ANTXR2: variants seen among roughly 807,000 people sequenced by gnomAD.
ANTXR2 encodes the protein anthrax toxin receptor 2.
ANTXR2 carries 44 observed loss-of-function variants against 73.7 expected under a neutral mutation model. That is an observed-to-expected ratio of 0.60 (90% CI 0.47 to 0.77). ANTXR2 has a LOEUF of 0.77. ANTXR2 is among the 30% of genes least tolerant of loss of function. ANTXR2 has a pLI of 0.00. For missense variants in ANTXR2, 604 were observed against 592.5 expected (o/e 1.02, Z -0.20); for synonymous variants, 217 against 205.9 (o/e 1.05, Z -0.46).
At chr4:79,952,863 G>T (rs1004933974) in intron 16 of ANTXR2, among the ~76,000 whole-genome samples, 3 of 151,698 alleles carry the variant, frequency 2.0e-5, no homozygotes, top group African/African-American at 7.3e-5. Context: ...AGAGTACAAA[G>T]AATGATGCCC....
At position 79,917,422 on chromosome 4, in the gene ANTXR2, G is replaced by A. The variant is rs544146255; in HGVS notation, c.1429-9955C>T. Among the ~76,000 whole-genome samples the A allele has an allele frequency of 2.0e-5, 3 of 152,222 alleles. No individual in the cohort carries two copies. In the South Asian group the frequency reaches 6.2e-4, roughly 32 times the overall value. ...AGAAGTATCCCACCAAAACTCATGG[G>A]GCCCTCTCAGATTGCAAGTCATTGG... On this transcript the variant is annotated intron_variant, in intron 16 of 16. Coordinates refer to ENST00000403729, the MANE Select transcript of ANTXR2 (RefSeq NM_058172.6).
intron 10 of ANTXR2, among the ~76,000 whole-genome samples, chr4:80,031,093 G>A (rs1732668587): frequency 2.0e-5 from 3 of 151,956 alleles, no homozygotes; most frequent in Admixed American, 2.0e-4. Flanking sequence ...AAGATGAAAA[G>A]ATAGACCTTA....
At chr4:80,030,554 T>C (rs1276162057) in intron 10 of ANTXR2, among the ~76,000 whole-genome samples, 1 of 152,046 alleles carries the variant, frequency 6.6e-6, no homozygotes, top group Non-Finnish European at 1.5e-5. Flanking sequence ...AAACGAATAA[T>C]ACTCTTAGTT....
intron 7 of ANTXR2, among the ~76,000 whole-genome samples, chr4:80,049,676 AAC>A (rs1162427252): frequency 2.6e-5 from 4 of 151,590 alleles, no homozygotes; most frequent in African/African-American, 9.7e-5. Flanking sequence ...CCTCTGTAAA[AAC>A]AGTTTTTGCT....
chr4:79,937,583 G>A (rs950980183), intron 16 of ANTXR2, among the ~76,000 whole-genome samples: 5 of 152,100 alleles, frequency 3.3e-5, no homozygotes, highest in African/African-American at 9.7e-5. Flanking sequence ...GATTTGTTCC[G>A]TTATCTAAAC....
chr4:79,913,205 C>T (rs138843336), intron 16 of ANTXR2, among the ~76,000 whole-genome samples: 2 of 152,166 alleles, frequency 1.3e-5, no homozygotes, highest in African/African-American at 4.8e-5. Flanking sequence ...TTTTACTCAT[C>T]TTTGGGCTGT....
At chr4:80,031,717 T>C in intron 9 of ANTXR2, 25 bp from the exon 10 acceptor site, 5 of 1,385,492 alleles carry the variant, frequency 3.6e-6, no homozygotes, top group Non-Finnish European at 4.8e-6. Flanking sequence ...GCCACTGAAT[T>C]AGTAAAGGGT....
At chr4:80,025,009 A>C (rs1174990624) in intron 10 of ANTXR2, among the ~76,000 whole-genome samples, 1 of 152,218 alleles carries the variant, frequency 6.6e-6, no homozygotes, top group African/African-American at 2.4e-5. Context: ...TTTCTTAACA[A>C]ATATCTTAAT....
At chr4:79,955,311 A>C (rs1728846914) in intron 16 of ANTXR2, among the ~76,000 whole-genome samples, 4 of 152,196 alleles carry the variant, frequency 2.6e-5, no homozygotes, top group Admixed American at 2.6e-4. Flanking sequence ...GTAGCAAGAT[A>C]TCCATTATGG....
At chr4:79,932,021 C>A (rs999734062) in intron 16 of ANTXR2, among the ~76,000 whole-genome samples, 1 of 152,128 alleles carries the variant, frequency 6.6e-6, no homozygotes, top group African/African-American at 2.4e-5. Context: ...TCATATCACT[C>A]TTCAAATTAT....
chr4:80,020,589 G>A (rs1228362676), intron 10 of ANTXR2, among the ~76,000 whole-genome samples: 2 of 152,166 alleles, frequency 1.3e-5, no homozygotes, highest in African/African-American at 4.8e-5. Context: ...TGGGGGGCAG[G>A]AGGCCCAGAA....
chr4:79,989,619 A>G (rs1458774720), intron 12 of ANTXR2, among the ~76,000 whole-genome samples: 1 of 152,066 alleles, frequency 6.6e-6, no homozygotes, highest in African/African-American at 2.4e-5. Flanking sequence ...GGACACCTCC[A>G]TAACTCATTC....
At position 80,055,215 on chromosome 4, in the gene ANTXR2, T is replaced by C; in HGVS notation, c.490A>G (p.Lys164Glu). 6.4e-7 allele frequency: 1 copy of C among 1,567,950 alleles called. No individual in the cohort carries two copies. Among genetic ancestry groups the C allele is most frequent in the Non-Finnish European group, 8.7e-7 (1 of 1,154,782 alleles). The change falls in exon 6 of 17, where the codon AAG becomes GAG. Residue 164 changes from lysine to glutamate, a missense_variant. Transcript: ENST00000403729. ...LVPSYAEKEA[K>E]ISRSLGASVY... Reference sequence around the variant, plus strand: ...CTAGCCCCAAGTGACCTGGATATCTTTGCCTATGGAGAATGAGGAGGGAAA... The same window carrying C: ...CTAGCCCCAAGTGACCTGGATATCTCTGCCTATGGAGAATGAGGAGGGAAA...
In ANTXR2 at chr4:79,977,816, T is replaced by C; in HGVS notation, c.1348-115A>G. ...ATCTTCTTTACCCTCATTTCTTTCA[T>C]AAGGTAAACTAATAAGTAATAAAAA... On this transcript the variant is annotated intron_variant, in intron 15 of 16. Coordinates refer to ENST00000403729, the MANE Select transcript of ANTXR2 (RefSeq NM_058172.6). 2.4e-6 allele frequency: 3 copies of C among 1,253,112 alleles called. No individual in the cohort carries two copies. The South Asian group carries it at 4.3e-5, about 18-fold the overall frequency. The allele number at this position is 1,253,112 out of a possible 1,614,324, so 77.6% of individuals were successfully genotyped here.
chr4:79,951,037 C>T (rs35795941), intron 16 of ANTXR2, among the ~76,000 whole-genome samples: 10,382 of 152,174 alleles, frequency 0.068, 441 homozygotes, highest in Middle Eastern at 0.11. Context: ...CTGCTCTTAC[C>T]TTCAGTCCTT....
At position 79,977,624 on chromosome 4, in the gene ANTXR2, A is replaced by T; in HGVS notation, c.1425T>A (p.Asp475Glu). ...RVSLMRPQEG[D>E]EGRCINFSRV... The stretch of plus-strand genomic sequence containing the variant: ...CAATACATTCCCATATACAAACCTC[A>T]TCTCCTTCCTGAGGTCGCATCAAAG... Residue 475 changes from aspartate to glutamate, a missense_variant, in exon 16 of 17, where the codon GAT becomes GAA. Coordinates refer to ENST00000403729, the MANE Select transcript of ANTXR2 (RefSeq NM_058172.6). 1 of 1,573,532 alleles carries T rather than the reference A, an allele frequency of 6.4e-7. No homozygotes were observed. Among genetic ancestry groups the T allele is most frequent in the Non-Finnish European group, 8.6e-7 (1 of 1,158,346 alleles).
chr4:80,036,343 G>C (rs1334490047), intron 7 of ANTXR2, among the ~76,000 whole-genome samples: 1 of 152,070 alleles, frequency 6.6e-6, no homozygotes, highest in African/African-American at 2.4e-5. Context: ...AAAATTTCCT[G>C]CTGCCATAAA....
chr4:80,061,751 T>C (rs1734272347), intron 3 of ANTXR2, among the ~76,000 whole-genome samples: 1 of 152,160 alleles, frequency 6.6e-6, no homozygotes, highest in African/African-American at 2.4e-5. Context: ...TAATATATAG[T>C]AACTGCTCAG....
At chr4:79,950,479 C>T (rs960076511) in intron 16 of ANTXR2, among the ~76,000 whole-genome samples, 4 of 152,170 alleles carry the variant, frequency 2.6e-5, no homozygotes, top group African/African-American at 9.6e-5. Flanking sequence ...ACATTTCAAA[C>T]CAAAGCTACT....
Sources: allele counts gnomAD v4.1 joint callset (sites outside exome capture counted in the v4.1 genomes callset), GRCh38; gene constraint gnomAD v4.1.1; transcripts MANE v1.5; gene names NCBI Gene and HGNC (gene_info 2026-07-23, HGNC 2026-07-21).